Variants in ZFHX3 observed in about 807,000 individuals in gnomAD.
ZFHX3 encodes the protein zinc finger homeobox 3.
A neutral mutation model predicts 279.1 loss-of-function variants in ZFHX3; 42 were observed. That is an observed-to-expected ratio of 0.15 (90% CI 0.12 to 0.19). The LOEUF (loss-of-function observed/expected upper bound fraction) is 0.19, where lower values mean the gene tolerates loss of function less well. ZFHX3 is among the 10% of genes least tolerant of loss of function. ZFHX3 has a pLI of 1.00. For missense variants in ZFHX3, 4,981 were observed against 4,754.0 expected (o/e 1.05, Z -1.40); for synonymous variants, 2,293 against 1,957.8 (o/e 1.17, Z -4.52).
intron 1 of ZFHX3, among the ~76,000 whole-genome samples, chr16:73,687,175 G>T (rs1597066453): frequency 6.7e-6 from 1 of 149,212 alleles, no homozygotes; most frequent in East Asian, 2.0e-4. Flanking sequence ...GATTGCTTGA[G>T]CTCAGGAGTT....
At position 73,758,225 on chromosome 16, in the gene ZFHX3, T is replaced by C. The variant is rs531247392; in HGVS notation, c.-1607-77985A>G. 5.4e-4 allele frequency among the ~76,000 whole-genome samples: 69 copies of C among 127,474 alleles called. No homozygotes were observed. In the East Asian group the frequency reaches 0.012, roughly 23 times the overall value. The allele number at this position is 127,474 out of a possible 152,430, so 83.6% of individuals were successfully genotyped here. A position where few individuals can be genotyped will look rare whatever the true frequency, so the allele number is the denominator to read the frequency against. ...ATTTCTAATGGTGGGAACTGAAATGTTACTAGAAATTCATTCATTCATTCA... is the reference window on the plus strand; with the variant it reads ...ATTTCTAATGGTGGGAACTGAAATGCTACTAGAAATTCATTCATTCATTCA... On this transcript the variant is annotated intron_variant, in intron 1 of 17. Coordinates refer to the ZFHX3 transcript ENST00000641206.
chr16:72,795,845 C>T lies in ZFHX3; in HGVS notation c.6837G>A (p.Leu2279=). 1.2e-6 allele frequency: 2 copies of T among 1,614,162 alleles called. No individual in the cohort carries two copies. The highest frequency in any genetic ancestry group is 1.7e-6 in the Non-Finnish European group (2 of 1,180,028). Residue 2279 remains leucine, a synonymous_variant, in exon 9 of 10, where the codon CTG becomes CTA. Transcript: ENST00000268489. ...DDEFEQLSNL[L]NLPTRVIVVW... ...CCACTATCACTCGGGTTGGAAGGTT[C>T]AGTAAATTAGAGAGTTGCTCAAATT...
chr16:73,053,617 A>T (rs1415712184), intron 1 of ZFHX3, among the ~76,000 whole-genome samples: 1 of 152,148 alleles, frequency 6.6e-6, no homozygotes, highest in Non-Finnish European at 1.5e-5. Flanking sequence ...TACCAGGGCG[A>T]GTGGATGTCG....
chr16:72,962,078 G>T (rs1012912613), intron 1 of ZFHX3, among the ~76,000 whole-genome samples: 1 of 152,220 alleles, frequency 6.6e-6, no homozygotes, highest in Non-Finnish European at 1.5e-5. Context: ...CTGAAGGGGC[G>T]GGAGGGTTAA....
At chr16:73,208,297 T>A (rs999020623) in intron 5 of ZFHX3, among the ~76,000 whole-genome samples, 1 of 152,208 alleles carries the variant, frequency 6.6e-6, no homozygotes, top group African/African-American at 2.4e-5. Flanking sequence ...TGTGACAAGT[T>A]TTCCACTGAC....
At chr16:72,900,438 T>G (rs535649860) in intron 3 of ZFHX3, among the ~76,000 whole-genome samples, 1 of 152,370 alleles carries the variant, frequency 6.6e-6, no homozygotes, top group African/African-American at 2.4e-5. Flanking sequence ...GATATTTTAC[T>G]TGCCCTGTCT....
intron 4 of ZFHX3, among the ~76,000 whole-genome samples, chr16:72,885,991 G>T (rs1004803715): frequency 6.6e-6 from 1 of 152,164 alleles, no homozygotes; most frequent in South Asian, 2.1e-4. Context: ...AGTCTATAAA[G>T]TCGATGTTTA....
At chr16:73,145,931 G>GC (rs1966861047) in intron 5 of ZFHX3, among the ~76,000 whole-genome samples, 1 of 152,148 alleles carries the variant, frequency 6.6e-6, no homozygotes, top group African/African-American at 2.4e-5. Context: ...ACTATCAATA[G>GC]CCCAGCCTCA....
At chr16:73,486,440 T>C (rs1312178644) in intron 2 of ZFHX3, among the ~76,000 whole-genome samples, 1 of 132,374 alleles carries the variant, frequency 7.6e-6, no homozygotes, top group Non-Finnish European at 1.6e-5. Context: ...CTTGCTTTGT[T>C]TGTGTGTGTT....
intron 4 of ZFHX3, among the ~76,000 whole-genome samples, chr16:72,831,628 A>G (rs925343900): frequency 2.0e-5 from 3 of 152,228 alleles, no homozygotes; most frequent in Non-Finnish European, 2.9e-5. Flanking sequence ...CACAGGAACT[A>G]TCTTCATTAT....
intron 1 of ZFHX3, among the ~76,000 whole-genome samples, chr16:73,002,836 A>G (rs192145620): frequency 6.6e-6 from 1 of 152,360 alleles, no homozygotes; most frequent in East Asian, 1.9e-4. Flanking sequence ...ACATTTTTGC[A>G]AACTTTTAAG....
At chr16:73,590,187 G>C (rs563014095) in intron 2 of ZFHX3, among the ~76,000 whole-genome samples, 40 of 152,314 alleles carry the variant, frequency 2.6e-4, no homozygotes, top group Non-Finnish European at 4.7e-4. Context: ...GGGAGTATCT[G>C]TGTGAACTCA....
intron 8 of ZFHX3, among the ~76,000 whole-genome samples, chr16:73,079,973 C>T (rs971017900): frequency 2.0e-5 from 3 of 151,984 alleles, no homozygotes; most frequent in African/African-American, 4.8e-5. Flanking sequence ...TGCAGACAAC[C>T]TTTTCCTGTC....
intron 2 of ZFHX3, among the ~76,000 whole-genome samples, chr16:73,519,863 G>A (rs2019582793): frequency 1.3e-5 from 2 of 152,058 alleles, no homozygotes; most frequent in South Asian, 4.1e-4. Flanking sequence ...CAAACTACTA[G>A]GAATTAAGGT....
intron 2 of ZFHX3, among the ~76,000 whole-genome samples, chr16:73,535,597 T>A (rs1692169977): frequency 6.6e-6 from 1 of 152,166 alleles, no homozygotes; most frequent in Non-Finnish European, 1.5e-5. Flanking sequence ...GAGAGAATAA[T>A]GATCTGCAAA....
In ZFHX3 at chr16:73,194,174, T is replaced by C. The variant is rs1346360658; in HGVS notation, c.-1103-50343A>G. 2.0e-5 allele frequency among the ~76,000 whole-genome samples: 3 copies of C among 152,076 alleles called. No individual in the cohort carries two copies. In the East Asian group the frequency reaches 5.8e-4, roughly 29 times the overall value. ...TAGACCCCGGTTTAGGAACTTCTTTTTTATTTTATTTTATTGCCTTCCTTT... is the reference window on the plus strand; with the variant it reads ...TAGACCCCGGTTTAGGAACTTCTTTCTTATTTTATTTTATTGCCTTCCTTT... On this transcript the variant is annotated intron_variant, in intron 5 of 17. Transcript: ENST00000641206.
intron 2 of ZFHX3, among the ~76,000 whole-genome samples, chr16:73,636,929 A>G (rs1456585264): frequency 6.6e-6 from 1 of 152,086 alleles, no homozygotes; most frequent in Non-Finnish European, 1.5e-5. Context: ...AGCTTAACTG[A>G]AAAAAATACA....
intron 1 of ZFHX3, among the ~76,000 whole-genome samples, chr16:73,720,257 G>A (rs2142237065): frequency 6.6e-6 from 1 of 152,234 alleles, no homozygotes; most frequent in Non-Finnish European, 1.5e-5. Context: ...GTGACAATCT[G>A]GCAACATTTA....
At chr16:73,034,100 TA>T (rs5817828) in intron 1 of ZFHX3, among the ~76,000 whole-genome samples, 21,494 of 141,358 alleles carry the variant, frequency 0.15, 1,852 homozygotes, top group Middle Eastern at 0.24. Flanking sequence ...GTAACGAACT[TA>T]AAAAAAAAAA....
Sources: gnomAD v4.1 joint callset for allele counts (sites outside exome capture counted in the v4.1 genomes callset) on GRCh38, gnomAD v4.1.1 for gene constraint, MANE v1.5 for transcripts, NCBI Gene and HGNC (gene_info 2026-07-23, HGNC 2026-07-21) for gene names.